The following GABRP variants were observed in gnomAD, a reference collection of about 807,000 sequenced individuals.
GABRP encodes the protein gamma-aminobutyric acid type A receptor subunit pi, also known as gamma-aminobutyric acid receptor subunit pi.
In GABRP, 52 loss-of-function variants were observed where a neutral mutation model predicts 47.8. The observed-to-expected ratio is 1.09, with a 90% CI of 0.87 to 1.37. GABRP has a LOEUF of 1.37. Among genes scored for constraint, GABRP ranks in the 40% most tolerant of loss-of-function variants. The pLI, the probability that GABRP is intolerant of heterozygous loss-of-function variation, is 0.00. For missense variants in GABRP, 525 were observed against 542.8 expected, an observed-to-expected ratio of 0.97 and a Z score of 0.33; for synonymous variants, 221 against 205.8, an observed-to-expected ratio of 1.07 and a Z score of -0.63.
intron 5 of GABRP, among the ~76,000 whole-genome samples, chr5:170,796,883 T>C (rs1382762359): frequency 6.6e-6 from 1 of 152,220 alleles, no homozygotes; most frequent in African/African-American, 2.4e-5. Flanking sequence ...GTGAATGCAA[T>C]CTCCACTGTG....
chr5:170,802,588 C>T (rs759863383), intron 6 of GABRP, among the ~76,000 whole-genome samples: 1 of 152,232 alleles, frequency 6.6e-6, no homozygotes, highest in Non-Finnish European at 1.5e-5. Context: ...ATGGAAAAAG[C>T]TATTACCTTC....
intron 1 of GABRP, among the ~76,000 whole-genome samples, chr5:170,785,587 A>G (rs1472390219): frequency 1.3e-5 from 2 of 152,186 alleles, no homozygotes; most frequent in Non-Finnish European, 2.9e-5. Flanking sequence ...TCAGATCATG[A>G]GACTCCTTAG....
rs747600772 is a variant in GABRP at position 170,812,036 on chromosome 5, C to G, written c.1101C>G (p.Ser367Arg). ...SSISSFKRKI[S>R]FASIEISSDN... is the part of the protein sequence containing the mutation. Reference sequence around the variant, plus strand: ...TCTCCAGCTTTAAACGGAAGATCAGCTTTGCCAGCATTGAAATTTCCAGCG... The same window carrying G: ...TCTCCAGCTTTAAACGGAAGATCAGGTTTGCCAGCATTGAAATTTCCAGCG... The change falls in exon 10 of 10, where the codon AGC (serine) becomes AGG (arginine). Residue 367 changes from serine to arginine, a missense_variant. Physicochemically the swap from Ser to Arg is moderately radical, Grantham distance 110. Coordinates refer to ENST00000265294, the MANE Select transcript of GABRP (RefSeq NM_014211.3). 2.5e-6 allele frequency: 4 copies of G among 1,614,156 alleles called. No individual in the cohort carries two copies. Among genetic ancestry groups the G allele is most frequent in the Non-Finnish European group, 3.4e-6 (4 of 1,180,010 alleles).
intron 3 of GABRP, among the ~76,000 whole-genome samples, chr5:170,792,533 G>T (rs1336010717): frequency 6.6e-6 from 1 of 152,104 alleles, no homozygotes; most frequent in Non-Finnish European, 1.5e-5. Context: ...AAAGCTGTTA[G>T]GTGGCCTGAG....
Position 170,812,537 on chromosome 5 carries a change from G to A in GABRP, c.*279G>A. 2.9e-6 allele frequency: 1 copy of A among 350,248 alleles called. No homozygotes were observed. The highest frequency in any genetic ancestry group is 5.2e-6 in the Non-Finnish European group (1 of 191,966). The allele number at this position is 350,248 out of a possible 1,614,324, so 21.7% of individuals were successfully genotyped here. On this transcript the variant is annotated 3_prime_UTR_variant, in exon 10 of 10. Coordinates refer to ENST00000265294, the MANE Select transcript of GABRP (RefSeq NM_014211.3). Reference sequence around the variant, plus strand: ...GCCCAAGATTACAAATGTACTCAGGGCTGTTTATTCGGTGGCTCCCTGGTT... The same window carrying A: ...GCCCAAGATTACAAATGTACTCAGGACTGTTTATTCGGTGGCTCCCTGGTT...
chr5:170,806,677 A>T (rs922206988), intron 7 of GABRP, among the ~76,000 whole-genome samples: 1 of 152,062 alleles, frequency 6.6e-6, no homozygotes, highest in Non-Finnish European at 1.5e-5. Context: ...CCTGACCTCA[A>T]GTGATCCACC....
chr5:170,788,035 T>A (rs960102151), intron 1 of GABRP, among the ~76,000 whole-genome samples: 2 of 152,092 alleles, frequency 1.3e-5, no homozygotes, highest in African/African-American at 4.8e-5. Flanking sequence ...AAGGTCCCAG[T>A]CTTAATTTGG....
At position 170,797,555 on chromosome 5, in the gene GABRP, A is replaced by G. The variant is rs1765463685; in HGVS notation, c.541+7A>G. 7.0e-6 allele frequency: 11 copies of G among 1,569,654 alleles called. No homozygotes were observed. Among genetic ancestry groups the G allele is most frequent in the African/African-American group, 4.1e-5 (3 of 73,876 alleles). On this transcript the variant is annotated splice_region_variant and intron_variant, in intron 6 of 9. Coordinates refer to ENST00000265294, the MANE Select transcript of GABRP (RefSeq NM_014211.3). ...AAGTTGCAGCTGGAAAGCTGTAAGT[A>G]TACATCCTACAGGCTCCTGAGATGA...
chr5:170,794,315 T>G lies in GABRP; in HGVS notation c.240+17T>G, dbSNP rs763967486. 2.6e-6 allele frequency: 4 copies of G among 1,556,834 alleles called. No individual in the cohort carries two copies. In the African/African-American group the frequency reaches 5.5e-5, roughly 21 times the overall value. On this transcript the variant is annotated intron_variant, in intron 4 of 9. Coordinates refer to ENST00000265294, the MANE Select transcript of GABRP (RefSeq NM_014211.3). ...AGTAACATGGTAAGCGCTGTTCCTT[T>G]GTACTCTACCCAAGTAGTCCCTCTC...
intron 2 of GABRP, 74 bp downstream of exon 2, chr5:170,788,742 C>T (rs1312634360): frequency 7.0e-7 from 1 of 1,422,950 alleles, no homozygotes; most frequent in Non-Finnish European, 9.9e-7. Flanking sequence ...GAGGGGGCAG[C>T]TCCTCCTATT....
chr5:170,797,138 C>T (rs1490245994), intron 5 of GABRP, among the ~76,000 whole-genome samples: 2 of 152,218 alleles, frequency 1.3e-5, no homozygotes, highest in Non-Finnish European at 2.9e-5. Flanking sequence ...TCTAGGCCCA[C>T]CCAGGTCTGT....
At chr5:170,791,659 C>G (rs1765272861) in intron 3 of GABRP, among the ~76,000 whole-genome samples, 1 of 107,608 alleles carries the variant, frequency 9.3e-6, no homozygotes, top group Non-Finnish European at 1.8e-5. Context: ...ATAAACTGGA[C>G]AGAAAGCACA....
At position 170,806,495 on chromosome 5, in the gene GABRP, T is replaced by C. The variant is rs187478360; in HGVS notation, c.679+642T>C. ...ACAAAGTCTTTCGCACAGGCTGGAGTGCAGTGGCACGATCTCAGCTCACTG... is the reference window on the plus strand; with the variant it reads ...ACAAAGTCTTTCGCACAGGCTGGAGCGCAGTGGCACGATCTCAGCTCACTG... On this transcript the variant is annotated intron_variant, in intron 7 of 9. Transcript: ENST00000265294. Among the ~76,000 whole-genome samples, 1,412 of 152,324 alleles carry C rather than the reference T, an allele frequency of 9.3e-3. 26 individuals are homozygous for C. Among genetic ancestry groups the C allele is most frequent in the African/African-American group, 0.033 (1,359 of 41,560 alleles).
intron 6 of GABRP, among the ~76,000 whole-genome samples, chr5:170,801,836 T>A (rs979861804): frequency 7.3e-6 from 1 of 136,770 alleles, no homozygotes; most frequent in Admixed American, 7.4e-5. Flanking sequence ...ACAGAATGAG[T>A]TACAACAATG....
intron 3 of GABRP, among the ~76,000 whole-genome samples, chr5:170,793,789 G>A (rs895274217): frequency 5.3e-5 from 8 of 151,938 alleles, no homozygotes; most frequent in African/African-American, 1.7e-4. Context: ...CAAATTAGCC[G>A]GGCTTGGTGG....
chr5:170,788,532 C>T lies in GABRP; in HGVS notation c.-42-42C>T, dbSNP rs1016756868. 5.8e-6 allele frequency: 8 copies of T among 1,369,514 alleles called. No individual in the cohort carries two copies. The African/African-American group carries it at 1.2e-4, about 20-fold the overall frequency. 84.8% of individuals were successfully genotyped at this position (1,369,514 alleles called of 1,614,324 possible). On this transcript the variant is annotated intron_variant, in intron 1 of 9. Transcript: ENST00000265294. ...AGAGGCTGGCCAGGAGCAGGTGAGC[C>T]TGTTGCACGGCCTTCCACTTACCTT...
In GABRP at chr5:170,809,686, G is replaced by T. The variant is rs748405307; in HGVS notation, c.951G>T (p.Val317=). ...DVYLGICFSF[V]FGALLEYAVA... ...ACCTGGGGATCTGCTTTAGCTTTGT[G>T]TTTGGGGCCTTGCTAGAATATGCAG... Residue 317 remains valine (V), a synonymous_variant, in exon 9 of 10, where the codon GTG becomes GTT. Transcript: ENST00000265294. 1.1e-5 allele frequency: 18 copies of T among 1,613,520 alleles called. No homozygotes were observed. The highest frequency in any genetic ancestry group is 1.7e-5 in the Admixed American group (1 of 59,936).
chr5:170,808,533 C>T, intron 7 of GABRP, 67 bp from the exon 8 acceptor site: 2 of 1,360,510 alleles, frequency 1.5e-6, no homozygotes, highest in Non-Finnish European at 1.0e-6. Context: ...TATAGTTAAG[C>T]ATCCCATAGA....
intron 4 of GABRP, 144 bp from the exon 5 acceptor site, chr5:170,795,064 G>A (rs1765387585): frequency 1.5e-6 from 1 of 680,490 alleles, no homozygotes; most frequent in African/African-American, 1.8e-5. Flanking sequence ...CAATTAGAAT[G>A]GTAACTTTAT....
Sources: gnomAD v4.1 joint callset for allele counts (sites outside exome capture counted in the v4.1 genomes callset) on GRCh38, gnomAD v4.1.1 for gene constraint, MANE v1.5 for transcripts, NCBI Gene and HGNC (gene_info 2026-07-23, HGNC 2026-07-21) for gene names.